CAMTA1: variants seen among roughly 807,000 people sequenced by gnomAD.
CAMTA1 encodes the protein calmodulin-binding transcription activator 1.
In CAMTA1, 27 loss-of-function variants were observed where a neutral mutation model predicts 170.9. That is an observed-to-expected ratio of 0.16 (90% confidence interval 0.12 to 0.22). The LOEUF is 0.22. CAMTA1 is among the 10% of genes least tolerant of loss of function. CAMTA1 has a pLI of 1.00. For missense variants in CAMTA1, 1,619 were observed against 2,217.2 expected, an observed-to-expected ratio of 0.73 and a Z score of 5.42; for synonymous variants, 833 against 891.5, an observed-to-expected ratio of 0.93 and a Z score of 1.17.
At chr1:7,123,670 G>C (rs967668128) in intron 4 of CAMTA1, among the ~76,000 whole-genome samples, 2 of 152,132 alleles carry the variant, frequency 1.3e-5, no homozygotes, top group East Asian at 3.9e-4. Flanking sequence ...CTGAGCCCTG[G>C]TCACTGCCCT....
chr1:7,684,707 T>C (rs1539180), intron 11 of CAMTA1, among the ~76,000 whole-genome samples: 24,016 of 152,220 alleles, frequency 0.16, 2,013 homozygotes, highest in East Asian at 0.24. Context: ...ATTACATTTG[T>C]AATTTACTAA....
intron 5 of CAMTA1, among the ~76,000 whole-genome samples, chr1:7,461,827 C>G (rs933060403): frequency 2.0e-5 from 3 of 152,224 alleles, no homozygotes; most frequent in Non-Finnish European, 4.4e-5. Flanking sequence ...CATGCTCATA[C>G]TCAGGACCAG....
At chr1:6,966,052 A>T (rs951093212) in intron 3 of CAMTA1, among the ~76,000 whole-genome samples, 1 of 152,050 alleles carries the variant, frequency 6.6e-6, no homozygotes, top group Admixed American at 6.6e-5. Flanking sequence ...GAGGAGAAGG[A>T]GTTAGGCTTC....
At chr1:7,383,418 A>G (rs1301569110) in intron 5 of CAMTA1, among the ~76,000 whole-genome samples, 1 of 152,192 alleles carries the variant, frequency 6.6e-6, no homozygotes, top group Non-Finnish European at 1.5e-5. Flanking sequence ...TGCCAGTTAG[A>G]TTCAAACCGG....
At chr1:7,174,243 C>T (rs1234460348) in intron 4 of CAMTA1, among the ~76,000 whole-genome samples, 1 of 152,104 alleles carries the variant, frequency 6.6e-6, no homozygotes, top group Non-Finnish European at 1.5e-5. Context: ...ACAAACAGCC[C>T]CAGCTGCAAC....
At chr1:7,503,703 A>G in intron 6 of CAMTA1, among the ~76,000 whole-genome samples, 1 of 152,190 alleles carries the variant, frequency 6.6e-6, no homozygotes, top group Middle Eastern at 3.2e-3. Context: ...CATTTCCGTC[A>G]GGTTCAGCTC....
At chr1:7,497,916 G>A (rs114186705) in intron 6 of CAMTA1, among the ~76,000 whole-genome samples, 25 of 152,290 alleles carry the variant, frequency 1.6e-4, no homozygotes, top group African/African-American at 6.0e-4. Context: ...CACAACCCAG[G>A]CAGGAGAGAT....
chr1:7,284,023 C>T (rs1276898795), intron 5 of CAMTA1, among the ~76,000 whole-genome samples: 1 of 152,194 alleles, frequency 6.6e-6, no homozygotes, highest in African/African-American at 2.4e-5. Flanking sequence ...GGGCTTGCCC[C>T]TGTGCTCCCG....
At chr1:7,519,840 G>A (rs539286140) in intron 6 of CAMTA1, among the ~76,000 whole-genome samples, 7 of 151,554 alleles carry the variant, frequency 4.6e-5, no homozygotes, top group African/African-American at 7.3e-5. Context: ...TACATGTTCC[G>A]CAGTGGTCCC....
intron 4 of CAMTA1, among the ~76,000 whole-genome samples, chr1:7,215,556 G>T (rs937668427): frequency 1.3e-5 from 2 of 152,102 alleles, no homozygotes; most frequent in East Asian, 1.9e-4. Flanking sequence ...ACCACACCTG[G>T]CTAATTTTTG....
At chr1:7,341,891 C>T (rs973272679) in intron 5 of CAMTA1, among the ~76,000 whole-genome samples, 2 of 152,082 alleles carry the variant, frequency 1.3e-5, no homozygotes, top group Admixed American at 6.5e-5. Context: ...TCTTCTTCCT[C>T]GCCTCCTCCC....
At chr1:6,815,958 C>G (rs1645761818) in intron 1 of CAMTA1, among the ~76,000 whole-genome samples, 1 of 152,078 alleles carries the variant, frequency 6.6e-6, no homozygotes, top group African/African-American at 2.4e-5. Flanking sequence ...AGAGAGTTGC[C>G]CAGTCATACA....
chr1:6,879,157 T>C (rs1270607801), intron 3 of CAMTA1, among the ~76,000 whole-genome samples: 1 of 152,176 alleles, frequency 6.6e-6, no homozygotes, highest in African/African-American at 2.4e-5. Flanking sequence ...TTAAAGAATA[T>C]GTCATCAAAT....
At chr1:6,976,825 T>C (rs1693514968) in intron 3 of CAMTA1, among the ~76,000 whole-genome samples, 1 of 152,154 alleles carries the variant, frequency 6.6e-6, no homozygotes, top group Non-Finnish European at 1.5e-5. Context: ...TTCCCACTTG[T>C]TGTGGGAGGG....
chr1:6,853,049 C>G (rs541294037), intron 3 of CAMTA1: 10 of 152,088 alleles, frequency 6.6e-5, no homozygotes, highest in Non-Finnish European at 1.5e-4. Flanking sequence ...TATTATATCA[C>G]AGTATCACAG....
chr1:7,137,804 G>A (rs1331385534), intron 4 of CAMTA1, among the ~76,000 whole-genome samples: 1 of 152,068 alleles, frequency 6.6e-6, no homozygotes, highest in Non-Finnish European at 1.5e-5. Context: ...ACAAAGAACA[G>A]GACCCCTGTC....
chr1:7,483,206 T>C (rs562748233), intron 6 of CAMTA1, among the ~76,000 whole-genome samples: 1 of 152,224 alleles, frequency 6.6e-6, no homozygotes, highest in African/African-American at 2.4e-5. Flanking sequence ...GAGGGTTGCA[T>C]GGATGGAGAT....
At chr1:7,194,001 C>A (rs938649234) in intron 4 of CAMTA1, among the ~76,000 whole-genome samples, 1 of 152,176 alleles carries the variant, frequency 6.6e-6, no homozygotes, top group East Asian at 1.9e-4. Flanking sequence ...AGCATCATAT[C>A]TCACTGATAC....
chr1:7,488,341 C>T (rs539458974), intron 6 of CAMTA1, among the ~76,000 whole-genome samples: 1 of 152,198 alleles, frequency 6.6e-6, no homozygotes, highest in South Asian at 2.1e-4. Flanking sequence ...TGGCTCCAGA[C>T]CCTGGTGTCT....
Sources: gnomAD v4.1 joint callset for allele counts (sites outside exome capture counted in the v4.1 genomes callset) on GRCh38, gnomAD v4.1.1 for gene constraint, MANE v1.5 for transcripts, NCBI Gene and HGNC (gene_info 2026-07-23, HGNC 2026-07-21) for gene names.